The following GABRG3 variants were observed in gnomAD, a reference collection of about 807,000 sequenced individuals.
The protein encoded by GABRG3 is gamma-aminobutyric acid type A receptor subunit gamma3.
In GABRG3, 25 loss-of-function variants were observed where a neutral mutation model predicts 48.8. The observed-to-expected ratio is 0.51, with a 90% confidence interval of 0.37 to 0.72. The LOEUF (loss-of-function observed/expected upper bound fraction) is 0.72, where lower values mean the gene tolerates loss of function less well. Ranked by LOEUF, GABRG3 falls within the 30% of genes least tolerant of loss-of-function variation. The pLI is 0.00. For missense variants in GABRG3, 394 were observed against 577.9 expected (o/e 0.68, Z 3.26); for synonymous variants, 227 against 217.6 (o/e 1.04, Z -0.38).
intron 3 of GABRG3, among the ~76,000 whole-genome samples, chr15:27,041,106 A>G (rs758875587): frequency 1.3e-5 from 2 of 152,212 alleles, no homozygotes; most frequent in Non-Finnish European, 2.9e-5. Flanking sequence ...ACAAATTTAG[A>G]TGGTATATGC....
intron 3 of GABRG3, among the ~76,000 whole-genome samples, chr15:27,287,064 C>T (rs555402938): frequency 1.9e-3 from 290 of 152,254 alleles, no homozygotes; most frequent in Non-Finnish European, 3.5e-3. Flanking sequence ...TCCAGTTATT[C>T]CATACCTTCA....
At chr15:27,042,306 A>C (rs1896290420) in intron 3 of GABRG3, among the ~76,000 whole-genome samples, 1 of 152,210 alleles carries the variant, frequency 6.6e-6, no homozygotes, top group African/African-American at 2.4e-5. Context: ...TTGGAGCTTC[A>C]GGGATGCGAG....
chr15:27,233,971 C>T (rs1018287933), intron 3 of GABRG3, among the ~76,000 whole-genome samples: 1 of 152,166 alleles, frequency 6.6e-6, no homozygotes, highest in African/African-American at 2.4e-5. Flanking sequence ...TTTCCCTCTA[C>T]ATTTTGTGAA....
intron 3 of GABRG3, among the ~76,000 whole-genome samples, chr15:27,176,009 T>C (rs1170533663): frequency 1.4e-5 from 2 of 143,924 alleles, no homozygotes; most frequent in Non-Finnish European, 3.0e-5. Flanking sequence ...GATTCTGGCC[T>C]ATGTAAACAG....
intron 3 of GABRG3, among the ~76,000 whole-genome samples, chr15:27,300,567 G>A (rs1263943469): frequency 6.6e-6 from 1 of 150,800 alleles, no homozygotes; most frequent in African/African-American, 2.4e-5. Flanking sequence ...TGAGGCAGGA[G>A]AATCGCTTGA....
In GABRG3 at chr15:27,361,907, G is replaced by T. The variant is rs182122110; in HGVS notation, c.574+33019G>T. Among the ~76,000 whole-genome samples, 197 of 152,262 alleles carry T rather than the reference G, an allele frequency of 1.3e-3. 2 individuals are homozygous for T. Among genetic ancestry groups the T allele is most frequent in the Middle Eastern group, 3.4e-3 (1 of 294 alleles). ...GTCTTTAAATATTAGGATTTATTTAGCTGATGTTCAATAGTCCCTTTAAAG... is the reference window on the plus strand; with the variant it reads ...GTCTTTAAATATTAGGATTTATTTATCTGATGTTCAATAGTCCCTTTAAAG... On this transcript the variant is annotated intron_variant, in intron 5 of 9. Coordinates refer to ENST00000615808, the MANE Select transcript of GABRG3 (RefSeq NM_033223.5).
At chr15:27,338,298 G>T in intron 5 of GABRG3, among the ~76,000 whole-genome samples, 1 of 152,148 alleles carries the variant, frequency 6.6e-6, no homozygotes, top group East Asian at 1.9e-4. Context: ...TGTTAACCAG[G>T]AACGTGCTGG....
chr15:27,156,222 C>G (rs1457471212), intron 3 of GABRG3, among the ~76,000 whole-genome samples: 1 of 148,768 alleles, frequency 6.7e-6, no homozygotes, highest in Non-Finnish European at 1.5e-5. Flanking sequence ...TGGCATGAAC[C>G]CGGGAGGTGG....
At chr15:27,532,077 G>T (rs1299494268) in intron 9 of GABRG3, among the ~76,000 whole-genome samples, 1 of 152,080 alleles carries the variant, frequency 6.6e-6, no homozygotes, top group Non-Finnish European at 1.5e-5. Flanking sequence ...TAACATATTT[G>T]TCTCTCCCCA....
At chr15:27,096,475 G>A (rs1489256359) in intron 3 of GABRG3, among the ~76,000 whole-genome samples, 1 of 152,216 alleles carries the variant, frequency 6.6e-6, no homozygotes, top group Non-Finnish European at 1.5e-5. Context: ...GGACTTTGAA[G>A]CCAGGGCTGC....
At chr15:27,198,455 C>G (rs1236611303) in intron 3 of GABRG3, among the ~76,000 whole-genome samples, 2 of 152,202 alleles carry the variant, frequency 1.3e-5, no homozygotes, top group Non-Finnish European at 2.9e-5. Context: ...GGTACCATCT[C>G]AAGCCAGTTA....
chr15:27,064,694 G>A (rs375945722), intron 3 of GABRG3, among the ~76,000 whole-genome samples: 11 of 152,208 alleles, frequency 7.2e-5, no homozygotes, highest in South Asian at 6.2e-4. Flanking sequence ...AAGAATGAGC[G>A]TGCAGCACGC....
chr15:27,421,580 G>A (rs1488561615), intron 5 of GABRG3, among the ~76,000 whole-genome samples: 1 of 150,378 alleles, frequency 6.6e-6, no homozygotes, highest in Non-Finnish European at 1.5e-5. Context: ...GGCATCCATG[G>A]GAGTGGGCTA....
intron 3 of GABRG3, among the ~76,000 whole-genome samples, chr15:27,248,891 C>T (rs1341143846): frequency 6.6e-6 from 1 of 151,098 alleles, no homozygotes; most frequent in Non-Finnish European, 1.5e-5. Flanking sequence ...AAGCTGTCAC[C>T]TGGGGCTGTA....
chr15:27,380,982 G>A (rs979766481), intron 5 of GABRG3, among the ~76,000 whole-genome samples: 1 of 151,938 alleles, frequency 6.6e-6, no homozygotes, highest in Non-Finnish European at 1.5e-5. Flanking sequence ...AGCCAGGACG[G>A]TCTCAATCTC....
At chr15:27,431,499 A>G (rs567698189) in intron 5 of GABRG3, among the ~76,000 whole-genome samples, 2 of 152,200 alleles carry the variant, frequency 1.3e-5, no homozygotes, top group African/African-American at 2.4e-5. Context: ...TCCTTTCCAT[A>G]TGCATGTCTC....
intron 3 of GABRG3, among the ~76,000 whole-genome samples, chr15:27,066,029 A>T (rs1896732387): frequency 1.3e-5 from 2 of 152,290 alleles, no homozygotes; most frequent in South Asian, 4.1e-4. Context: ...GCATGATCAT[A>T]CTCCTATACT....
intron 3 of GABRG3, among the ~76,000 whole-genome samples, chr15:27,162,514 T>G (rs741122): frequency 0.083 from 12,563 of 152,130 alleles, 885 homozygotes; most frequent in African/African-American, 0.18. Context: ...AGTGGCACTT[T>G]TTTGACTTGG....
chr15:27,394,823 C>T (rs1187980422), intron 5 of GABRG3, among the ~76,000 whole-genome samples: 1 of 152,108 alleles, frequency 6.6e-6, no homozygotes, highest in Non-Finnish European at 1.5e-5. Context: ...AGCTTTTGAT[C>T]TTGTCGTTAA....
Sources: allele counts gnomAD v4.1 joint callset (sites outside exome capture counted in the v4.1 genomes callset), GRCh38; gene constraint gnomAD v4.1.1; transcripts MANE v1.5; gene names NCBI Gene and HGNC (gene_info 2026-07-23, HGNC 2026-07-21).